The following SLC9A9 variants were observed in gnomAD, a reference collection of about 807,000 sequenced individuals.
The protein encoded by SLC9A9 is solute carrier family 9 member A9.
A neutral mutation model predicts 77.8 loss-of-function variants in SLC9A9; 62 were observed. That is an observed-to-expected ratio of 0.80 (90% confidence interval 0.65 to 0.98). The LOEUF is 0.98. SLC9A9 is among the 50% of genes least tolerant of loss of function. The pLI is 0.00. For missense variants in SLC9A9, 775 were observed against 774.9 expected (o/e 1.00, Z 0.00); for synonymous variants, 320 against 283.5 (o/e 1.13, Z -1.29).
chr3:143,272,673 A>T (rs1408146698), intron 14 of SLC9A9, among the ~76,000 whole-genome samples: 2 of 152,202 alleles, frequency 1.3e-5, no homozygotes, highest in African/African-American at 4.8e-5. Flanking sequence ...AAACTCTTCT[A>T]TCTATTAAAA....
intron 6 of SLC9A9, among the ~76,000 whole-genome samples, chr3:143,609,823 T>C (rs1302699904): frequency 6.6e-6 from 1 of 152,242 alleles, no homozygotes; most frequent in African/African-American, 2.4e-5. Flanking sequence ...ATAAATGTTA[T>C]ATGCAGTTAA....
rs55976352 is a variant in SLC9A9, at chr3:143,734,320, C to T, written c.534-41013G>A. Among the ~76,000 whole-genome samples the T allele has an allele frequency of 1.3e-3, 194 of 152,236 alleles. 1 individual carries two copies. Among genetic ancestry groups the T allele is most frequent in the African/African-American group, 4.4e-3 (182 of 41,522 alleles). On this transcript the variant is annotated intron_variant, in intron 4 of 15. Coordinates refer to ENST00000316549, the MANE Select transcript of SLC9A9 (RefSeq NM_173653.4). ...GAAAAATAAAGTTACATGGCTTATACACCCAAGTTTGTTGACTGATTTATG... is the reference window on the plus strand; with the variant it reads ...GAAAAATAAAGTTACATGGCTTATATACCCAAGTTTGTTGACTGATTTATG...
chr3:143,469,922 G>T (rs1349939485), intron 11 of SLC9A9, among the ~76,000 whole-genome samples: 1 of 152,096 alleles, frequency 6.6e-6, no homozygotes, highest in Non-Finnish European at 1.5e-5. Context: ...TGAGATGGCT[G>T]TACTCAAGAA....
At position 143,528,288 on chromosome 3, in the gene SLC9A9, G is replaced by C. The variant is rs1260608838; in HGVS notation, c.1089+24074C>G. Among the ~76,000 whole-genome samples the C allele has an allele frequency of 2.0e-5, 3 of 152,126 alleles. No individual in the cohort carries two copies. The East Asian group carries it at 5.8e-4, about 29-fold the overall frequency. ...CAAAATGGAGGTAAGAATTATTGTT[G>C]GAATTAAGAATTATTAGAAGAATTC... On this transcript the variant is annotated intron_variant, in intron 9 of 15. Transcript: ENST00000316549.
chr3:143,302,362 C>T (rs181434808), intron 14 of SLC9A9, among the ~76,000 whole-genome samples: 129 of 151,932 alleles, frequency 8.5e-4, no homozygotes, highest in African/African-American at 3.0e-3. Flanking sequence ...GATGGAAAAT[C>T]GGGTAGCAGA....
At chr3:143,344,272 A>T (rs1433428002) in intron 14 of SLC9A9, among the ~76,000 whole-genome samples, 50 of 152,306 alleles carry the variant, frequency 3.3e-4, no homozygotes, top group African/African-American at 1.2e-3. Flanking sequence ...ATTTTCTCAA[A>T]CAATTCAATA....
intron 14 of SLC9A9, among the ~76,000 whole-genome samples, chr3:143,361,009 A>G (rs1222973960): frequency 6.6e-6 from 1 of 152,208 alleles, no homozygotes; most frequent in Non-Finnish European, 1.5e-5. Context: ...CTGAGGAAGA[A>G]AGAATTCTGC....
At position 143,743,300 on chromosome 3, in the gene SLC9A9, T is replaced by C. The variant is rs62268869; in HGVS notation, c.534-49993A>G. On this transcript the variant is annotated intron_variant, in intron 4 of 15. Coordinates refer to ENST00000316549, the MANE Select transcript of SLC9A9 (RefSeq NM_173653.4). ...ATAGATAGATAGATAGACAGACAGA[T>C]AGATAGATGATAGATAGATGAGAGG... 7.0e-3 allele frequency among the ~76,000 whole-genome samples: 1,039 copies of C among 147,750 alleles called. 6 individuals carry two copies. The highest frequency in any genetic ancestry group is 0.01 in the Non-Finnish European group (685 of 67,260).
At chr3:143,571,928 T>C (rs576204780) in intron 8 of SLC9A9, among the ~76,000 whole-genome samples, 27 of 152,330 alleles carry the variant, frequency 1.8e-4, no homozygotes, top group Non-Finnish European at 3.4e-4. Context: ...TCTTTGGCAA[T>C]AGAAAATGCT....
chr3:143,502,098 A>G (rs1339810829), intron 9 of SLC9A9, among the ~76,000 whole-genome samples: 7 of 151,294 alleles, frequency 4.6e-5, no homozygotes, highest in African/African-American at 1.7e-4. Flanking sequence ...AAATAACTTC[A>G]AATCTACTTC....
chr3:143,468,494 C>G (rs557184619), intron 11 of SLC9A9, among the ~76,000 whole-genome samples: 1 of 152,160 alleles, frequency 6.6e-6, no homozygotes, highest in African/African-American at 2.4e-5. Context: ...ATATAATAAG[C>G]CTTAACATTG....
At chr3:143,518,164 A>G in intron 9 of SLC9A9, 2 of 1,599,996 alleles carry the variant, frequency 1.3e-6, no homozygotes, top group Non-Finnish European at 1.7e-6. Flanking sequence ...CGGTGTGCAG[A>G]ACGCTCGGAT....
chr3:143,575,709 A>C (rs1463121176), intron 7 of SLC9A9, among the ~76,000 whole-genome samples: 1 of 152,152 alleles, frequency 6.6e-6, no homozygotes, highest in Non-Finnish European at 1.5e-5. Context: ...GAGAATGTTC[A>C]GGGCAGGTGA....
At chr3:143,673,130 C>T (rs1440000433) in intron 5 of SLC9A9, among the ~76,000 whole-genome samples, 1 of 152,152 alleles carries the variant, frequency 6.6e-6, no homozygotes, top group Admixed American at 6.5e-5. Flanking sequence ...TATAGAAATG[C>T]CTTTCATTTT....
chr3:143,493,914 T>G (rs1044394654), intron 10 of SLC9A9, 150 bp from the exon 11 acceptor site: 3 of 671,436 alleles, frequency 4.5e-6, no homozygotes, highest in Non-Finnish European at 8.0e-6. Context: ...CCAACTTGCT[T>G]CCAAAATTTA....
Position 143,631,006 on chromosome 3 carries a change from C to A in SLC9A9, c.755+21249G>T, listed in dbSNP as rs540447843. On this transcript the variant is annotated intron_variant, in intron 6 of 15. Transcript: ENST00000316549. ...TCATATCAATTGCAAATTTGACAAG[C>A]CTGCAATCGGTCCCATGATTTCAGT... is the stretch of plus-strand genomic sequence containing the variant. Among the ~76,000 whole-genome samples, 111 of 152,142 alleles carry A rather than the reference C, an allele frequency of 7.3e-4. 1 individual carries two copies. Among genetic ancestry groups the A allele is most frequent in the African/African-American group, 2.6e-3 (109 of 41,506 alleles).
At chr3:143,700,500 GC>G (rs1457640657) in intron 4 of SLC9A9, among the ~76,000 whole-genome samples, 1 of 152,184 alleles carries the variant, frequency 6.6e-6, no homozygotes, top group African/African-American at 2.4e-5. Context: ...GAGAGCTTGG[GC>G]CTTAAGGGAA....
intron 12 of SLC9A9, among the ~76,000 whole-genome samples, chr3:143,417,970 T>C (rs1040515420): frequency 1.3e-5 from 2 of 151,878 alleles, no homozygotes; most frequent in Non-Finnish European, 2.9e-5. Flanking sequence ...CATCCCATTC[T>C]ACGTGGTTAC....
chr3:143,429,859 C>T (rs1377818708), intron 12 of SLC9A9, among the ~76,000 whole-genome samples: 1 of 152,202 alleles, frequency 6.6e-6, no homozygotes. Context: ...GTTGTGTTCT[C>T]TCACTTGGCC....
Sources: gnomAD v4.1 joint callset for allele counts (sites outside exome capture counted in the v4.1 genomes callset) on GRCh38, gnomAD v4.1.1 for gene constraint, MANE v1.5 for transcripts, NCBI Gene and HGNC (gene_info 2026-07-23, HGNC 2026-07-21) for gene names.